The following TSPAN9 variants were observed in gnomAD, a reference collection of about 807,000 sequenced individuals.
TSPAN9 encodes tetraspanin-9.
Under a neutral mutation model 31.0 loss-of-function variants are expected in TSPAN9, and 16 were observed. The observed-to-expected ratio is 0.52, with a 90% CI of 0.35 to 0.78. The LOEUF is 0.78. Ranked by LOEUF, TSPAN9 falls within the 30% of genes least tolerant of loss-of-function variation. The pLI is 0.01. For synonymous variants in TSPAN9, 145 were observed against 121.6 expected, an observed-to-expected ratio of 1.19 and a Z score of -1.27; for missense variants, 272 against 312.5, an observed-to-expected ratio of 0.87 and a Z score of 0.98.
intron 2 of TSPAN9, among the ~76,000 whole-genome samples, chr12:3,188,145 A>C (rs2098362402): frequency 6.6e-6 from 1 of 152,084 alleles, no homozygotes; most frequent in African/African-American, 2.4e-5. Flanking sequence ...CCCACTTGAT[A>C]AAGTAGTTTC....
intron 2 of TSPAN9, among the ~76,000 whole-genome samples, chr12:3,088,312 T>A (rs1294654947): frequency 1.3e-5 from 2 of 152,226 alleles, no homozygotes; most frequent in Non-Finnish European, 2.9e-5. Context: ...AGAGTTTGGA[T>A]TTGTTCGACC....
Position 3,187,810 on chromosome 12 carries a change from C to A in TSPAN9, c.-17-13367C>A, listed in dbSNP as rs2098362208. On this transcript the variant is annotated intron_variant, in intron 2 of 8. Transcript: ENST00000011898. This position sits in a 1 kb window ranked among gnomAD's most constrained non-coding sequence, Gnocchi z 5.2. The stretch of plus-strand genomic sequence containing the variant: ...CGTACCCCTTCTCCAAGAAGCCCTT[C>A]CTGATGGGCCAGACTCTCCCTGGGC... Among the ~76,000 whole-genome samples, 1 of 152,134 alleles carries A rather than the reference C, an allele frequency of 6.6e-6. No homozygotes were observed. The highest frequency in any genetic ancestry group is 1.5e-5 in the Non-Finnish European group (1 of 68,022).
intron 2 of TSPAN9, among the ~76,000 whole-genome samples, chr12:3,166,707 C>T (rs924994938): frequency 1.3e-5 from 2 of 152,246 alleles, no homozygotes; most frequent in South Asian, 2.1e-4. Flanking sequence ...TTGCACATCA[C>T]CCCCATTCCC....
intron 3 of TSPAN9, among the ~76,000 whole-genome samples, chr12:3,204,209 C>T (rs1314194062): frequency 6.6e-6 from 1 of 152,196 alleles, no homozygotes; most frequent in African/African-American, 2.4e-5. Context: ...AGAACTCTTC[C>T]CATAGATCCC....
intron 2 of TSPAN9, among the ~76,000 whole-genome samples, chr12:3,155,499 C>T (rs553345694): frequency 1.3e-4 from 19 of 151,906 alleles, no homozygotes; most frequent in South Asian, 2.1e-4. Flanking sequence ...TTTGAGAGGC[C>T]GAGGCGGGAG....
intron 2 of TSPAN9, among the ~76,000 whole-genome samples, chr12:3,175,628 G>C (rs1419827044): frequency 6.6e-6 from 1 of 152,052 alleles, no homozygotes; most frequent in Non-Finnish European, 1.5e-5. Flanking sequence ...CTCTAAGTGA[G>C]CAGGCCCCAG....
intron 2 of TSPAN9, among the ~76,000 whole-genome samples, chr12:3,127,529 G>T (rs1179671222): frequency 6.6e-6 from 1 of 151,806 alleles, no homozygotes; most frequent in East Asian, 1.9e-4. Flanking sequence ...CTAATTTTTT[G>T]TATTTTTAGT....
At chr12:3,258,626 A>G (rs966841304) in intron 3 of TSPAN9, among the ~76,000 whole-genome samples, 1 of 147,404 alleles carries the variant, frequency 6.8e-6, no homozygotes, top group African/African-American at 2.6e-5. Context: ...TCCTCCTCCC[A>G]CCAAGGCTGC....
chr12:3,268,854 A>G (rs371723220), intron 3 of TSPAN9, among the ~76,000 whole-genome samples: 58 of 55,830 alleles, frequency 1.0e-3, no homozygotes, highest in South Asian at 1.7e-3. Flanking sequence ...CCCTCCGTGC[A>G]TTCCTGCAGC....
At chr12:3,176,882 A>G (rs2098355979) in intron 2 of TSPAN9, among the ~76,000 whole-genome samples, 1 of 152,226 alleles carries the variant, frequency 6.6e-6, no homozygotes, top group Admixed American at 6.5e-5. Flanking sequence ...AATTGGGGCC[A>G]CTGAAGTGTG....
intron 2 of TSPAN9, among the ~76,000 whole-genome samples, chr12:3,108,734 C>G (rs1122922): frequency 1.3e-5 from 2 of 152,096 alleles, no homozygotes; most frequent in African/African-American, 2.4e-5. Context: ...TATCCCCCTC[C>G]TTTCCTTTCC....
At chr12:3,096,721 G>A (rs1313187330) in intron 2 of TSPAN9, among the ~76,000 whole-genome samples, 12 of 151,096 alleles carry the variant, frequency 7.9e-5, no homozygotes, top group African/African-American at 2.2e-4. Flanking sequence ...ATTTTGAGAC[G>A]GAATCTCGCT....
Position 3,113,194 on chromosome 12 carries a change from C to T in TSPAN9, c.-18+29475C>T, listed in dbSNP as rs77017491. On this transcript the variant is annotated intron_variant, in intron 2 of 8. Coordinates refer to ENST00000011898, the MANE Select transcript of TSPAN9 (RefSeq NM_006675.5). ...AAGGGAATACATGTCTGTTGGGTAG[C>T]GGGAAGTGTGGTGGAGAAAGGGATG... Among the ~76,000 whole-genome samples the T allele has an allele frequency of 4.6e-3, 700 of 152,066 alleles. 9 individuals are homozygous for T. The highest frequency in any genetic ancestry group is 0.016 in the African/African-American group (672 of 41,462).
intron 2 of TSPAN9, among the ~76,000 whole-genome samples, chr12:3,131,125 TG>T (rs1275907343): frequency 2.2e-5 from 2 of 91,634 alleles, no homozygotes; most frequent in African/African-American, 3.3e-5. Context: ...TCTCCACTTT[TG>T]GGGAAAAAAA....
At chr12:3,130,140 C>T (rs575409975) in intron 2 of TSPAN9, among the ~76,000 whole-genome samples, 17 of 152,290 alleles carry the variant, frequency 1.1e-4, no homozygotes, top group African/African-American at 3.6e-4. Context: ...CTTCTACTTC[C>T]GCTTCCCCCG....
intron 3 of TSPAN9, among the ~76,000 whole-genome samples, chr12:3,242,181 G>T (rs900561784): frequency 6.6e-6 from 1 of 152,256 alleles, no homozygotes; most frequent in Non-Finnish European, 1.5e-5. Context: ...AAGCCTGTGT[G>T]TGTAGTTGGT....
At chr12:3,211,358 T>A (rs535720850) in intron 3 of TSPAN9, among the ~76,000 whole-genome samples, 85 of 152,324 alleles carry the variant, frequency 5.6e-4, no homozygotes, top group Non-Finnish European at 9.0e-4. Flanking sequence ...CGCACTGTCT[T>A]CATTACTACA....
intron 2 of TSPAN9, among the ~76,000 whole-genome samples, chr12:3,190,472 A>T (rs2098363769): frequency 6.6e-6 from 1 of 152,296 alleles, no homozygotes; most frequent in African/African-American, 2.4e-5. Flanking sequence ...GCATATGTGT[A>T]TGGGCAGGTA....
At chr12:3,166,401 A>G (rs59530146) in intron 2 of TSPAN9, among the ~76,000 whole-genome samples, 6,432 of 152,338 alleles carry the variant, frequency 0.042, 444 homozygotes, top group African/African-American at 0.15. Context: ...TGAAAGCATC[A>G]TACTATCTAA....
Sources: gnomAD v4.1 joint callset for allele counts (sites outside exome capture counted in the v4.1 genomes callset) on GRCh38, gnomAD v4.1.1 for gene constraint, Gnocchi (gnomAD v3.1) non-coding constraint, MANE v1.5 for transcripts, NCBI Gene and HGNC (gene_info 2026-07-23, HGNC 2026-07-21) for gene names.